Variants in ADCK5 observed in about 807,000 individuals in gnomAD.
ADCK5 encodes the protein uncharacterized aarF domain-containing protein kinase 5.
A neutral mutation model predicts 64.9 loss-of-function variants in ADCK5; 43 were observed. The observed-to-expected ratio is 0.66, with a 90% CI of 0.52 to 0.85. The LOEUF (loss-of-function observed/expected upper bound fraction) is 0.85, where lower values mean the gene tolerates loss of function less well. Ranked by LOEUF, ADCK5 falls within the 40% of genes least tolerant of loss-of-function variation. ADCK5 has a pLI of 0.00. For synonymous variants in ADCK5, 434 were observed against 342.8 expected, an observed-to-expected ratio of 1.27 and a Z score of -2.94; for missense variants, 760 against 810.5, an observed-to-expected ratio of 0.94 and a Z score of 0.76.
chr8:144,375,903 A>G (rs1029725881), intron 1 of ADCK5, among the ~76,000 whole-genome samples: 3 of 152,152 alleles, frequency 2.0e-5, no homozygotes, highest in Non-Finnish European at 4.4e-5. Context: ...CGTCTAAAAG[A>G]CGGCTTATCT....
intron 3 of ADCK5, among the ~76,000 whole-genome samples, chr8:144,388,862 G>A (rs375039967): frequency 9.3e-4 from 141 of 152,244 alleles, no homozygotes; most frequent in Middle Eastern, 6.8e-3. Context: ...CCGGGGGGTC[G>A]CCCTGGGTTG....
chr8:144,384,816 T>C lies in ADCK5; in HGVS notation c.266+1586T>C, dbSNP rs1819838996. On this transcript the variant is annotated intron_variant, in intron 3 of 14. Coordinates refer to ENST00000308860, the MANE Select transcript of ADCK5 (RefSeq NM_174922.5). The surrounding 1 kb of genome is among the most constrained non-coding windows in gnomAD (Gnocchi z 5.7). ...TTGTGGGAAAACATCTTCTCACAGC[T>C]CGCTCTCAGGGGCTGAGCTGGGGTT... Among the ~76,000 whole-genome samples, 1 of 152,156 alleles carries C rather than the reference T, an allele frequency of 6.6e-6. No homozygotes were observed. The highest frequency in any genetic ancestry group is 2.1e-4 in the South Asian group (1 of 4,826).
chr8:144,380,486 T>C (rs536289372), intron 2 of ADCK5, among the ~76,000 whole-genome samples: 23 of 99,370 alleles, frequency 2.3e-4, no homozygotes, highest in African/African-American at 6.9e-4. Flanking sequence ...AGGCACCTGC[T>C]GCACTCAGGA....
chr8:144,390,205 C>T (rs180720174), intron 3 of ADCK5, among the ~76,000 whole-genome samples: 2 of 152,280 alleles, frequency 1.3e-5, no homozygotes, highest in Admixed American at 1.3e-4. Context: ...CAGCTTACTG[C>T]AGTCTCCACC....
chr8:144,392,872 CAA>C lies in ADCK5; in HGVS notation c.1618_1619del (p.Lys540ValfsTer2). On this transcript the variant is annotated frameshift_variant, in exon 14 of 15. Coordinates refer to ENST00000308860, the MANE Select transcript of ADCK5 (RefSeq NM_174922.5). LOFTEE classifies it low-confidence loss of function (END_TRUNC). ...RHAKVVWEML[K>X]FEVALRLETL... is the part of the protein sequence containing the mutation. Reference sequence around the variant, plus strand: ...ACGCCAAGGTCGTCTGGGAGATGCTCAAGTTTGAAGTGGCGCTCAGGTGAGTG... The same window carrying C: ...ACGCCAAGGTCGTCTGGGAGATGCTCGTTTGAAGTGGCGCTCAGGTGAGTG... 6.2e-7 allele frequency: 1 copy of C among 1,601,792 alleles called. No homozygotes were observed. The highest frequency in any genetic ancestry group is 8.5e-7 in the Non-Finnish European group (1 of 1,177,050).
chr8:144,381,398 A>C (rs1417656199), intron 2 of ADCK5, among the ~76,000 whole-genome samples: 6 of 130,336 alleles, frequency 4.6e-5, no homozygotes, highest in East Asian at 2.4e-4. Flanking sequence ...GTGCTCAGGC[A>C]CCTGCTGCAC....
Position 144,391,051 on chromosome 8 carries a change from C to CA in ADCK5, c.539dup (p.Glu181GlyfsTer4). ...GGACAGGGCCCTCAAGCGGGGCTTC[C>CA]AGGAGGTGAGTGTGCGCTCAGGCCG... On this transcript the variant is annotated frameshift_variant, in exon 5 of 15. Coordinates refer to ENST00000308860, the MANE Select transcript of ADCK5 (RefSeq NM_174922.5). LOFTEE classifies it high-confidence loss of function. 6.2e-7 allele frequency: 1 copy of CA among 1,612,258 alleles called. No individual in the cohort carries two copies. The highest frequency in any genetic ancestry group is 8.5e-7 in the Non-Finnish European group (1 of 1,179,984).
intron 3 of ADCK5, among the ~76,000 whole-genome samples, chr8:144,390,148 A>G (rs1177291006): frequency 2.7e-5 from 4 of 150,604 alleles, no homozygotes; most frequent in Non-Finnish European, 5.9e-5. Context: ...TCTTTTTTGG[A>G]CGGAGTCTCG....
intron 1 of ADCK5, among the ~76,000 whole-genome samples, chr8:144,379,086 A>G (rs138227171): frequency 0.99 from 151,027 of 151,878 alleles, 75,100 homozygotes; most frequent in Middle Eastern, 1. Flanking sequence ...TACATGCACC[A>G]CTATGCCCAA....
In ADCK5 at chr8:144,391,286, C is replaced by T; in HGVS notation, c.684+12C>T. ...GCGTGGCTGTGAAGGTATATGGGGG[C>T]TGCCTTGTTCAGCAGTGGGCTGGGG... On this transcript the variant is annotated intron_variant, in intron 6 of 14. Coordinates refer to ENST00000308860, the MANE Select transcript of ADCK5 (RefSeq NM_174922.5). 2 of 1,612,238 alleles carry T rather than the reference C, an allele frequency of 1.2e-6. No homozygotes were observed. Among genetic ancestry groups the T allele is most frequent in the African/African-American group, 1.3e-5 (1 of 75,068 alleles).
At position 144,378,045 on chromosome 8, in the gene ADCK5, G is replaced by A. The variant is rs1819443634; in HGVS notation, c.13-1342G>A. Among the ~76,000 whole-genome samples the A allele has an allele frequency of 2.0e-5, 3 of 152,234 alleles. No individual in the cohort carries two copies. In the South Asian group the frequency reaches 6.2e-4, roughly 32 times the overall value. ...TGCCATCTCTTCCTGCAGAGACTGA[G>A]GGGACATTCAGAGACGGGGTATGTT... On this transcript the variant is annotated intron_variant, in intron 1 of 14. Coordinates refer to ENST00000308860, the MANE Select transcript of ADCK5 (RefSeq NM_174922.5).
chr8:144,375,793 T>C (rs1819339424), intron 1 of ADCK5, among the ~76,000 whole-genome samples: 1 of 152,160 alleles, frequency 6.6e-6, no homozygotes. Context: ...ACCCGTTTCA[T>C]CTTGTCCAAA....
chr8:144,381,896 C>A (rs183485155), intron 2 of ADCK5, among the ~76,000 whole-genome samples: 1 of 143,934 alleles, frequency 6.9e-6, no homozygotes, highest in Non-Finnish European at 1.5e-5. Context: ...CTGCCGCACT[C>A]AGGATTATGG....
intron 2 of ADCK5, among the ~76,000 whole-genome samples, chr8:144,379,876 G>C (rs1819524364): frequency 6.6e-6 from 1 of 152,214 alleles, no homozygotes; most frequent in African/African-American, 2.4e-5. Context: ...TGAGCAGAAG[G>C]AAAGGCCAGA....
intron 3 of ADCK5, 56 bp downstream of exon 3, chr8:144,383,286 G>T (rs1819762990): frequency 1.8e-5 from 27 of 1,482,012 alleles, no homozygotes; most frequent in Non-Finnish European, 2.3e-5. Flanking sequence ...GGTGTGTGCG[G>T]TGCAGGATTG....
Position 144,391,254 on chromosome 8 carries a change from G to A in ADCK5, c.664G>A (p.Gly222Ser). 6.2e-7 allele frequency: 1 copy of A among 1,612,456 alleles called. No homozygotes were observed. The highest frequency in any genetic ancestry group is 8.5e-7 in the Non-Finnish European group (1 of 1,180,018). Residue 222 changes from glycine to serine, a missense_variant, in exon 6 of 15, where the codon GGC becomes AGC. Around this residue, in one of 2 missense-constraint regions of ADCK5, gnomAD observed 427 missense variants for 518.4 expected, o/e 0.82. Transcript: ENST00000308860. The stretch of plus-strand genomic sequence containing the variant: ...GGTGCACAGAGCCAAGCTGCACGAT[G>A]GCACCAGCGTGGCTGTGAAGGTATA... ...AQVHRAKLHDGTSVAVKVQYI... is the reference protein window; with the variant it reads ...AQVHRAKLHDSTSVAVKVQYI...
chr8:144,393,111 C>G lies in ADCK5; in HGVS notation c.*37C>G. 1 of 1,496,772 alleles carries G rather than the reference C, an allele frequency of 6.7e-7. No homozygotes were observed. The highest frequency in any genetic ancestry group is 1.4e-5 in the African/African-American group (1 of 71,628). The allele number at this position is 1,496,772 out of a possible 1,614,324, so 92.7% of individuals were successfully genotyped here. On this transcript the variant is annotated 3_prime_UTR_variant, in exon 15 of 15. Transcript: ENST00000308860. The stretch of plus-strand genomic sequence containing the variant: ...CCAGGGCCGGCGGGGCCCTTTTCAC[C>G]TTGGGCTGACGGAGGTGGCGGGGCT...
rs573050950 is a variant in ADCK5 at position 144,376,384 on chromosome 8, G to A, written c.12+2277G>A. ...GAGGACAGTGGCAGGATAGGACCAC[G>A]GTGAACAAGGTGGAGCGGGACGTGA... On this transcript the variant is annotated intron_variant, in intron 1 of 14. Transcript: ENST00000308860. The surrounding 1 kb of genome is among the most constrained non-coding windows in gnomAD (Gnocchi z 5.1). Among the ~76,000 whole-genome samples, 4 of 152,302 alleles carry A rather than the reference G, an allele frequency of 2.6e-5. No individual in the cohort carries two copies. In the East Asian group the frequency reaches 7.7e-4, roughly 29 times the overall value.
intron 1 of ADCK5, 141 bp downstream of exon 1, chr8:144,374,248 C>A (rs569992147): frequency 2.9e-5 from 24 of 816,154 alleles, no homozygotes; most frequent in South Asian, 6.5e-5. Flanking sequence ...CTCGCTCTGT[C>A]GCCCTGGAGC....
Sources: gnomAD v4.1 joint callset for allele counts (sites outside exome capture counted in the v4.1 genomes callset) on GRCh38, gnomAD v4.1.1 for gene constraint, gnomAD v4.1.1 regional missense constraint, Gnocchi (gnomAD v3.1) non-coding constraint, MANE v1.5 for transcripts, NCBI Gene and HGNC (gene_info 2026-07-23, HGNC 2026-07-21) for gene names.